Variants in DENND4B observed in about 807,000 individuals in gnomAD.
The protein encoded by DENND4B is DENN domain-containing protein 4B.
DENND4B carries 67 observed loss-of-function variants against 161.0 expected under a neutral mutation model. The ratio of observed to expected loss-of-function variants is 0.42; its 90% CI spans 0.34 to 0.51. The LOEUF is 0.51. Ranked by LOEUF, DENND4B falls within the 20% of genes least tolerant of loss-of-function variation. The pLI is 0.08. For synonymous variants in DENND4B, 753 were observed against 813.8 expected (o/e 0.93, Z 1.27); for missense variants, 1,481 against 1,968.0 (o/e 0.75, Z 4.68).
At position 153,930,786 on chromosome 1, in the gene DENND4B, C is replaced by G. The variant is rs1391417940; in HGVS notation, c.4186G>C (p.Val1396Leu). 1.9e-6 allele frequency: 3 copies of G among 1,608,492 alleles called. No homozygotes were observed. Among genetic ancestry groups the G allele is most frequent in the South Asian group, 2.2e-5 (2 of 89,992 alleles). Residue 1396 changes from valine to leucine, a missense_variant, in exon 26 of 28, where the codon GTG (valine) becomes CTG (leucine). Transcript: ENST00000361217. This position sits in a 1 kb window ranked among gnomAD's most constrained non-coding sequence, Gnocchi z 4.7. ...ASLSLALLESVLRHVGLNEVH... is the reference protein window; with the variant it reads ...ASLSLALLESLLRHVGLNEVH... ...TCATTGAGTCCAACATGGCGCAGCA[C>G]TGACTCCAACAGTGCCAAACTAAGG...
Position 153,932,761 on chromosome 1 carries a change from A to T in DENND4B, c.3640T>A (p.Ser1214Thr). Reference protein sequence around the residue: ...DSRPSVPSPKSAGASGSKDAP... With the variant: ...DSRPSVPSPKTAGASGSKDAP... ...TCTTTGCTGCCACTGGCACCAGCAGATTTGGGGCTGGGGACACTGCAGGGG... is the reference window on the plus strand; with the variant it reads ...TCTTTGCTGCCACTGGCACCAGCAGTTTTGGGGCTGGGGACACTGCAGGGG... The change falls in exon 23 of 28, where the codon TCT becomes ACT. Residue 1214 changes from serine (S) to threonine (T), a missense_variant. This residue lies in a region of DENND4B where 336 missense variants were observed against 503.3 expected (regional missense o/e 0.67). Transcript: ENST00000361217. The surrounding 1 kb of genome is among the most constrained non-coding windows in gnomAD (Gnocchi z 5.8). 1 of 1,613,988 alleles carries T rather than the reference A, an allele frequency of 6.2e-7. No homozygotes were observed. The highest frequency in any genetic ancestry group is 1.1e-5 in the South Asian group (1 of 91,076).
chr1:153,946,310 G>A lies in DENND4B; in HGVS notation c.-33C>T, dbSNP rs558239120. On this transcript the variant is annotated 5_prime_UTR_variant, in exon 1 of 28. Coordinates refer to ENST00000361217, the MANE Select transcript of DENND4B (RefSeq NM_014856.3). The surrounding 1 kb of genome is among the most constrained non-coding windows in gnomAD (Gnocchi z 6.3). ...TCCAGCCCCTACCTGCCTGTCCCGC[G>A]CTTCCCGGCCGGCCGGCCCGCTGGC... 7 of 358,534 alleles carry A rather than the reference G, an allele frequency of 2.0e-5. No individual in the cohort carries two copies. The South Asian group carries it at 9.4e-4, about 48-fold the overall frequency. The allele number at this position is 358,534 out of a possible 1,614,324, so 22.2% of individuals were successfully genotyped here. A position where few individuals can be genotyped will look rare whatever the true frequency, so the allele number is the denominator to read the frequency against.
At position 153,932,091 on chromosome 1, in the gene DENND4B, G is replaced by GCCA; in HGVS notation, c.3996+110_3996+112dup. On this transcript the variant is annotated intron_variant, in intron 24 of 27. Coordinates refer to ENST00000361217, the MANE Select transcript of DENND4B (RefSeq NM_014856.3). The surrounding 1 kb of genome is among the most constrained non-coding windows in gnomAD (Gnocchi z 5.8). The stretch of plus-strand genomic sequence containing the variant: ...CAAAGTGCTGGGATTACAGGCATGA[G>GCCA]CCACCGTGCCTGGCCAGTCTATGCT... The GCCA allele has an allele frequency of 9.9e-7, 1 of 1,015,020 alleles. No individual in the cohort carries two copies. Among genetic ancestry groups the GCCA allele is most frequent in the Non-Finnish European group, 1.4e-6 (1 of 690,428 alleles). 62.9% of individuals were successfully genotyped at this position (1,015,020 alleles called of 1,614,324 possible).
At position 153,934,745 on chromosome 1, in the gene DENND4B, C is replaced by A; in HGVS notation, c.2773+15G>T. On this transcript the variant is annotated intron_variant, in intron 18 of 27. Coordinates refer to ENST00000361217, the MANE Select transcript of DENND4B (RefSeq NM_014856.3). This position sits in a 1 kb window ranked among gnomAD's most constrained non-coding sequence, Gnocchi z 5.3. ...CTACTCCATCCCCAAGCCTGTCTCA[C>A]CAGGCCCTACCCACCTGCCTGGGAG... 2 of 1,606,952 alleles carry A rather than the reference C, an allele frequency of 1.2e-6. No homozygotes were observed. The highest frequency in any genetic ancestry group is 1.7e-6 in the Non-Finnish European group (2 of 1,177,560).
At position 153,932,173 on chromosome 1, in the gene DENND4B, TAGGAAAC is replaced by T. The variant is rs748416360; in HGVS notation, c.3996+24_3996+30del. On this transcript the variant is annotated intron_variant, in intron 24 of 27. Coordinates refer to ENST00000361217, the MANE Select transcript of DENND4B (RefSeq NM_014856.3). This position sits in a 1 kb window ranked among gnomAD's most constrained non-coding sequence, Gnocchi z 5.8. Reference sequence around the variant, plus strand: ...ATGGCTGAGAGATGAGGGAGGCACTTAGGAAACAGGGGCCACATGGGGGCACTGACCT... The same window carrying T: ...ATGGCTGAGAGATGAGGGAGGCACTTAGGGGCCACATGGGGGCACTGACCT... The T allele has an allele frequency of 6.3e-7, 1 of 1,589,540 alleles. No homozygotes were observed. Among genetic ancestry groups the T allele is most frequent in the South Asian group, 1.1e-5 (1 of 89,154 alleles).
In DENND4B at chr1:153,930,715, T is replaced by C; in HGVS notation, c.4257A>G (p.Pro1419=). 6.2e-7 allele frequency: 1 copy of C among 1,611,868 alleles called. No homozygotes were observed. The highest frequency in any genetic ancestry group is 2.2e-5 in the East Asian group (1 of 44,862). ...ACCTCTGCAGGTGCAGGCCAGTGGG[T>C]GGGGGCCCTAGAGTTTCCAGCAGGA... is the stretch of plus-strand genomic sequence containing the variant. ...VGLLLETLGP[P]PTGLHLQRGI... The change falls in exon 26 of 28, where the codon CCA becomes CCG. Residue 1419 remains proline (P), a synonymous_variant. Coordinates refer to ENST00000361217, the MANE Select transcript of DENND4B (RefSeq NM_014856.3). The surrounding 1 kb of genome is among the most constrained non-coding windows in gnomAD (Gnocchi z 4.7).
At position 153,937,945 on chromosome 1, in the gene DENND4B, A is replaced by C; in HGVS notation, c.1966-82T>G. The C allele has an allele frequency of 6.3e-7, 1 of 1,581,940 alleles. No individual in the cohort carries two copies. The highest frequency in any genetic ancestry group is 8.6e-7 in the Non-Finnish European group (1 of 1,158,974). ...GGGTGTCTAGACGATGGCATCTCCC[A>C]GGAAAGCTCATCCACAAGGAAAGAG... On this transcript the variant is annotated intron_variant, in intron 13 of 27. Transcript: ENST00000361217. This position sits in a 1 kb window ranked among gnomAD's most constrained non-coding sequence, Gnocchi z 4.7.
Position 153,930,933 on chromosome 1 carries a change from A to G in DENND4B, c.4114+14T>C. The G allele has an allele frequency of 6.2e-7, 1 of 1,606,382 alleles. No individual in the cohort carries two copies. The highest frequency in any genetic ancestry group is 8.5e-7 in the Non-Finnish European group (1 of 1,176,738). ...GGACCCACCCTCCCCACCCAGGCCAAATACCAGACTCACTGTGGACCCTCC... is the reference window on the plus strand; with the variant it reads ...GGACCCACCCTCCCCACCCAGGCCAGATACCAGACTCACTGTGGACCCTCC... On this transcript the variant is annotated intron_variant, in intron 25 of 27. Coordinates refer to ENST00000361217, the MANE Select transcript of DENND4B (RefSeq NM_014856.3). The surrounding 1 kb of genome is among the most constrained non-coding windows in gnomAD (Gnocchi z 4.7).
chr1:153,945,192 G>C (rs775477820), intron 1 of DENND4B: 4 of 1,288,574 alleles, frequency 3.1e-6, no homozygotes, highest in African/African-American at 3.0e-5. Flanking sequence ...AGGCGCCCCA[G>C]GGTGCAGAAG....
Position 153,932,433 on chromosome 1 carries a change from G to A in DENND4B, c.3767C>T (p.Ser1256Phe), listed in dbSNP as rs575812587. The change falls in exon 24 of 28, where the codon TCC (serine) becomes TTC (phenylalanine). Residue 1256 changes from serine (S) to phenylalanine (F), a missense_variant. By Grantham distance (155) the Ser-to-Phe change is radical. This residue lies in a region of DENND4B where 336 missense variants were observed against 503.3 expected (regional missense o/e 0.67). Transcript: ENST00000361217. The surrounding 1 kb of genome is among the most constrained non-coding windows in gnomAD (Gnocchi z 5.8). ...CCATGCCCCACTCTCAACCCGCCGG[G>A]AGGCTCCCTATCAGGCACAAAGGGG... ...QLCNGHMGGA[S>F]RRVESGAWAY... The A allele has an allele frequency of 2.5e-6, 4 of 1,607,912 alleles. No individual in the cohort carries two copies. In the South Asian group the frequency reaches 3.3e-5, roughly 13 times the overall value.
At chr1:153,938,484 T>C (rs1027119997) in intron 13 of DENND4B, among the ~76,000 whole-genome samples, 41 of 149,004 alleles carry the variant, frequency 2.8e-4, no homozygotes, top group African/African-American at 1.0e-3. Context: ...AGGTGGATCA[T>C]GAGGTCAGGA....
In DENND4B at chr1:153,936,992, G is replaced by A. The variant is rs1366142202; in HGVS notation, c.2233-244C>T. On this transcript the variant is annotated intron_variant, in intron 15 of 27. Coordinates refer to ENST00000361217, the MANE Select transcript of DENND4B (RefSeq NM_014856.3). The surrounding 1 kb of genome is among the most constrained non-coding windows in gnomAD (Gnocchi z 4.1). ...GTACTTTTTGTAAAGACAAGGTTTT[G>A]CCACATTGCCCAGGCTAGTCACAAA... 6.6e-6 allele frequency among the ~76,000 whole-genome samples: 1 copy of A among 152,250 alleles called. No homozygotes were observed. Among genetic ancestry groups the A allele is most frequent in the East Asian group, 1.9e-4 (1 of 5,188 alleles).
At position 153,940,129 on chromosome 1, in the gene DENND4B, G is replaced by T; in HGVS notation, c.1603+27C>A. The T allele has an allele frequency of 1.3e-6, 2 of 1,528,864 alleles. No homozygotes were observed. The highest frequency in any genetic ancestry group is 1.8e-6 in the Non-Finnish European group (2 of 1,138,110). 94.7% of individuals were successfully genotyped at this position (1,528,864 alleles called of 1,614,324 possible). A position where few individuals can be genotyped will look rare whatever the true frequency, so the allele number is the denominator to read the frequency against. ...GGTTTGAGGGCAATGACAGTTCCCA[G>T]CCTCCCTCCCCACCCAGGCTTCTCA... On this transcript the variant is annotated intron_variant, in intron 11 of 27. Coordinates refer to ENST00000361217, the MANE Select transcript of DENND4B (RefSeq NM_014856.3). This position sits in a 1 kb window ranked among gnomAD's most constrained non-coding sequence, Gnocchi z 5.6.
Position 153,930,860 on chromosome 1 carries a change from G to A in DENND4B, c.4115-3C>T, listed in dbSNP as rs755553463. On this transcript the variant is annotated splice_region_variant and splice_polypyrimidine_tract_variant and intron_variant, in intron 25 of 27. Transcript: ENST00000361217. The surrounding 1 kb of genome is among the most constrained non-coding windows in gnomAD (Gnocchi z 4.7). Reference sequence around the variant, plus strand: ...TACCACCCGCTGGGGGATCTGGCCTGGATGAAAGGAAAGAAGGCCACCAGA... The same window carrying A: ...TACCACCCGCTGGGGGATCTGGCCTAGATGAAAGGAAAGAAGGCCACCAGA... The A allele has an allele frequency of 3.8e-6, 6 of 1,596,122 alleles. No homozygotes were observed. The East Asian group carries it at 1.4e-4, about 36-fold the overall frequency.
chr1:153,945,553 G>GACAC (rs35616374), intron 1 of DENND4B, among the ~76,000 whole-genome samples: 3 of 149,808 alleles, frequency 2.0e-5, no homozygotes, highest in Admixed American at 6.6e-5. Flanking sequence ...CTGGCCTCTG[G>GACAC]ACACACACAC....
intron 17 of DENND4B, chr1:153,935,833 G>A (rs11586075): frequency 0.31 from 161,133 of 520,190 alleles, 25,834 homozygotes; most frequent in Admixed American, 0.4. Context: ...CTTAGCGGCT[G>A]ACACTATTAG....
chr1:153,933,344 T>A lies in DENND4B; in HGVS notation c.3331-25A>T. The A allele has an allele frequency of 6.2e-7, 1 of 1,613,256 alleles. No individual in the cohort carries two copies. Among genetic ancestry groups the A allele is most frequent in the Non-Finnish European group, 8.5e-7 (1 of 1,179,632 alleles). ...TCTACCATGACATGAGAAACCATGG[T>A]CAGCCAACCCCATGCTCTTCCACCC... On this transcript the variant is annotated intron_variant, in intron 20 of 27. Transcript: ENST00000361217. This position sits in a 1 kb window ranked among gnomAD's most constrained non-coding sequence, Gnocchi z 5.7.
Position 153,934,842 on chromosome 1 carries a change from CTGCTGT to C in DENND4B, c.2685_2690del (p.Gln909_Gln910del), listed in dbSNP as rs1407569648. ...GCTGCTGCTGCTGTTGCTGCTGCTGCTGCTGTTGCCGTTCTCTCAAGGGCTGGCGGA... is the reference window on the plus strand; with the variant it reads ...GCTGCTGCTGCTGTTGCTGCTGCTGCTGCCGTTCTCTCAAGGGCTGGCGGA... On this transcript the variant is annotated inframe_deletion, in exon 18 of 28. Transcript: ENST00000361217. This position sits in a 1 kb window ranked among gnomAD's most constrained non-coding sequence, Gnocchi z 5.3. 1.2e-6 allele frequency: 2 copies of C among 1,611,530 alleles called. No homozygotes were observed. The highest frequency in any genetic ancestry group is 2.2e-5 in the South Asian group (2 of 90,980).
Position 153,946,014 on chromosome 1 carries a change from C to G in DENND4B, c.-24+287G>C, listed in dbSNP as rs1459858664. Among the ~76,000 whole-genome samples the G allele has an allele frequency of 6.6e-6, 1 of 152,144 alleles. No individual in the cohort carries two copies. Among genetic ancestry groups the G allele is most frequent in the Non-Finnish European group, 1.5e-5 (1 of 68,002 alleles). On this transcript the variant is annotated intron_variant, in intron 1 of 27. Transcript: ENST00000361217. The surrounding 1 kb of genome is among the most constrained non-coding windows in gnomAD (Gnocchi z 6.3). The stretch of plus-strand genomic sequence containing the variant: ...GCAGAGAAGCAGGCGCGCCGGCGGC[C>G]GAGGACGTGACGGCAGCAGCGCCGG...
Sources: gnomAD v4.1 joint callset for allele counts (sites outside exome capture counted in the v4.1 genomes callset) on GRCh38, gnomAD v4.1.1 for gene constraint, gnomAD v4.1.1 regional missense constraint, Gnocchi (gnomAD v3.1) non-coding constraint, MANE v1.5 for transcripts, NCBI Gene and HGNC (gene_info 2026-07-23, HGNC 2026-07-21) for gene names.